Variants in FHIT observed in about 807,000 individuals in gnomAD.
FHIT encodes fragile histidine triad diadenosine triphosphatase.
In FHIT, 19 loss-of-function variants were observed where a neutral mutation model predicts 17.9. That is an observed-to-expected ratio of 1.06 (90% CI 0.74 to 1.56). The LOEUF is 1.56. Ranked by LOEUF, FHIT falls within the 40% of genes most tolerant of loss-of-function variation. The pLI is 0.00. For missense variants in FHIT, 248 were observed against 189.2 expected (o/e 1.31, Z -1.82); for synonymous variants, 81 against 69.7 (o/e 1.16, Z -0.81).
chr3:60,866,440 T>A (rs1366341758), intron 3 of FHIT, among the ~76,000 whole-genome samples: 4 of 152,070 alleles, frequency 2.6e-5, no homozygotes, highest in African/African-American at 9.7e-5. Flanking sequence ...AAGCAGCCAG[T>A]GGAGAGGCCC....
intron 4 of FHIT, among the ~76,000 whole-genome samples, chr3:60,764,128 T>G (rs77773625): frequency 0.11 from 17,248 of 152,134 alleles, 1,133 homozygotes; most frequent in African/African-American, 0.18. Context: ...CAGCGTGGTA[T>G]GTTTTCCATC....
chr3:60,809,730 A>C (rs1404565751), intron 4 of FHIT, among the ~76,000 whole-genome samples: 1 of 152,148 alleles, frequency 6.6e-6, no homozygotes, highest in African/African-American at 2.4e-5. Context: ...CTGAAACCTT[A>C]AAGGTTGTAT....
At chr3:61,078,872 T>C (rs1241930494) in intron 2 of FHIT, among the ~76,000 whole-genome samples, 1 of 152,218 alleles carries the variant, frequency 6.6e-6, no homozygotes, top group Non-Finnish European at 1.5e-5. Flanking sequence ...CACTGATTTC[T>C]TTAATGAGCA....
chr3:60,959,095 T>C (rs537351928), intron 3 of FHIT, among the ~76,000 whole-genome samples: 34 of 152,316 alleles, frequency 2.2e-4, no homozygotes, highest in African/African-American at 8.2e-4. Flanking sequence ...ATGGTCCTCA[T>C]GAATTTTCCA....
intron 5 of FHIT, among the ~76,000 whole-genome samples, chr3:60,172,801 G>C (rs1247882143): frequency 6.6e-6 from 1 of 151,992 alleles, no homozygotes; most frequent in Non-Finnish European, 1.5e-5. Context: ...GCAGGAAAGA[G>C]GTCTTCTGTC....
intron 5 of FHIT, among the ~76,000 whole-genome samples, chr3:60,295,161 G>T (rs887464957): frequency 3.3e-5 from 5 of 152,052 alleles, no homozygotes; most frequent in Admixed American, 2.6e-4. Context: ...GAGGTGAAAA[G>T]ATCTGTTGAG....
At chr3:59,976,172 G>T (rs1708402968) in intron 7 of FHIT, among the ~76,000 whole-genome samples, 1 of 152,048 alleles carries the variant, frequency 6.6e-6, no homozygotes, top group South Asian at 2.1e-4. Flanking sequence ...GCTGTCTGGG[G>T]GGTAAAGGAA....
intron 5 of FHIT, among the ~76,000 whole-genome samples, chr3:60,043,053 T>A (rs536259495): frequency 6.6e-6 from 1 of 152,308 alleles, no homozygotes; most frequent in East Asian, 1.9e-4. Flanking sequence ...GCCAGCCTTT[T>A]CAACCTGGGG....
chr3:60,977,351 C>T (rs1249519350), intron 3 of FHIT, among the ~76,000 whole-genome samples: 1 of 152,094 alleles, frequency 6.6e-6, no homozygotes, highest in African/African-American at 2.4e-5. Flanking sequence ...CAGTCAATGG[C>T]GGTTTCCTCA....
chr3:61,103,211 A>C (rs1024073042), intron 2 of FHIT, among the ~76,000 whole-genome samples: 1 of 152,212 alleles, frequency 6.6e-6, no homozygotes, highest in Non-Finnish European at 1.5e-5. Flanking sequence ...ATTTCACTCT[A>C]CACACTGCTT....
At chr3:60,480,048 A>C (rs772633329) in intron 5 of FHIT, among the ~76,000 whole-genome samples, 3 of 152,204 alleles carry the variant, frequency 2.0e-5, no homozygotes, top group Non-Finnish European at 2.9e-5. Context: ...TGAAGAGAAG[A>C]GGCTTAATTG....
intron 7 of FHIT, among the ~76,000 whole-genome samples, chr3:59,955,210 T>C (rs1185998382): frequency 6.6e-6 from 1 of 152,214 alleles, no homozygotes; most frequent in East Asian, 1.9e-4. Context: ...CCAAACTCAA[T>C]GGACATTTTT....
chr3:60,878,679 C>T (rs1029744220), intron 3 of FHIT, among the ~76,000 whole-genome samples: 1 of 152,006 alleles, frequency 6.6e-6, no homozygotes, highest in African/African-American at 2.4e-5. Flanking sequence ...GTGATGTTCC[C>T]CTTCCTGTGT....
intron 2 of FHIT, among the ~76,000 whole-genome samples, chr3:61,090,877 G>A (rs2035460925): frequency 6.6e-6 from 1 of 152,106 alleles, no homozygotes; most frequent in African/African-American, 2.4e-5. Flanking sequence ...AGTAAAAATT[G>A]ATGACATCAC....
At chr3:59,930,731 G>A (rs184066668) in intron 7 of FHIT, among the ~76,000 whole-genome samples, 154 of 152,296 alleles carry the variant, frequency 1.0e-3, no homozygotes, top group African/African-American at 3.6e-3. Context: ...GGAAACGTTG[G>A]GGGGTGGTAA....
chr3:61,050,185 C>T (rs2033974767), intron 2 of FHIT, among the ~76,000 whole-genome samples: 1 of 152,144 alleles, frequency 6.6e-6, no homozygotes, highest in Admixed American at 6.5e-5. Flanking sequence ...GTTATAGCGG[C>T]TTCCATCATA....
chr3:60,189,693 G>A (rs1702314853), intron 5 of FHIT, among the ~76,000 whole-genome samples: 1 of 152,174 alleles, frequency 6.6e-6, no homozygotes. Context: ...ATTTGAATGT[G>A]AATGTTTTAG....
rs1005236864 is a variant in FHIT, at chr3:60,457,515, G to T, written c.103+79345C>A. Among the ~76,000 whole-genome samples the T allele has an allele frequency of 2.2e-4, 33 of 152,102 alleles. 1 individual carries two copies. Among genetic ancestry groups the T allele is most frequent in the African/African-American group, 6.7e-4 (28 of 41,510 alleles). On this transcript the variant is annotated intron_variant, in intron 5 of 9. Coordinates refer to ENST00000492590, the MANE Select transcript of FHIT (RefSeq NM_002012.4). ...CTAGGCAATACCATTCAGGACATAG[G>T]CATGGGCAAGGACTTCATGTCTAAA...
At chr3:60,702,761 C>T (rs1215160595) in intron 4 of FHIT, among the ~76,000 whole-genome samples, 1 of 152,064 alleles carries the variant, frequency 6.6e-6, no homozygotes, top group Non-Finnish European at 1.5e-5. Flanking sequence ...AGTAACAGTG[C>T]TAATAGCAAA....
Sources: allele counts gnomAD v4.1 joint callset (sites outside exome capture counted in the v4.1 genomes callset), GRCh38; gene constraint gnomAD v4.1.1; transcripts MANE v1.5; gene names NCBI Gene and HGNC (gene_info 2026-07-23, HGNC 2026-07-21).